Variants in MCU observed in about 807,000 individuals in gnomAD.
MCU encodes the protein mitochondrial calcium uniporter.
In MCU, 12 loss-of-function variants were observed where a neutral mutation model predicts 45.2. That is an observed-to-expected ratio of 0.27 (90% CI 0.17 to 0.43). The LOEUF (loss-of-function observed/expected upper bound fraction) is 0.43, where lower values mean the gene tolerates loss of function less well. Ranked by LOEUF, MCU falls within the 20% of genes least tolerant of loss-of-function variation. The probability of loss-of-function intolerance (pLI) is 1.00; values close to 1 mark genes in which losing one functional copy is unlikely to be tolerated. For synonymous variants in MCU, 160 were observed against 165.1 expected, an observed-to-expected ratio of 0.97 and a Z score of 0.24; for missense variants, 324 against 436.7, an observed-to-expected ratio of 0.74 and a Z score of 2.30.
chr10:72,791,624 C>G (rs964337773), intron 1 of MCU, among the ~76,000 whole-genome samples: 2 of 151,664 alleles, frequency 1.3e-5, no homozygotes, highest in Non-Finnish European at 2.9e-5. Context: ...ATTTTTATCC[C>G]CAGGAAGCCT....
At chr10:72,711,306 C>T (rs1214217841) in intron 1 of MCU, among the ~76,000 whole-genome samples, 2 of 150,938 alleles carry the variant, frequency 1.3e-5, no homozygotes, top group South Asian at 2.1e-4. Flanking sequence ...CTGCGATCTC[C>T]ACTTCCTGGG....
chr10:72,726,256 C>CGTGTGTGTGTGTGT (rs60826955), intron 1 of MCU, among the ~76,000 whole-genome samples: 31 of 145,586 alleles, frequency 2.1e-4, no homozygotes, highest in African/African-American at 7.1e-4. Flanking sequence ...CACACACACA[C>CGTGTGTGTGTGTGT]GTGTGTGTGT....
chr10:72,880,989 T>C (rs529379515), intron 6 of MCU, among the ~76,000 whole-genome samples: 1 of 152,062 alleles, frequency 6.6e-6, no homozygotes, highest in East Asian at 1.9e-4. Flanking sequence ...ATTAGTTGAG[T>C]GTGGTGTCGT....
intron 1 of MCU, among the ~76,000 whole-genome samples, chr10:72,739,317 T>A (rs1843293689): frequency 6.6e-6 from 1 of 152,222 alleles, no homozygotes; most frequent in Non-Finnish European, 1.5e-5. Context: ...AAAATAACAT[T>A]TGGAATTATT....
chr10:72,735,995 T>G (rs1293154644), intron 1 of MCU, among the ~76,000 whole-genome samples: 1 of 152,236 alleles, frequency 6.6e-6, no homozygotes, highest in African/African-American at 2.4e-5. Flanking sequence ...TATATATTGC[T>G]CTATTAAAAC....
chr10:72,776,754 A>G (rs1032988292), intron 1 of MCU, among the ~76,000 whole-genome samples: 2 of 151,782 alleles, frequency 1.3e-5, no homozygotes, highest in African/African-American at 2.4e-5. Flanking sequence ...AGGGCATCCA[A>G]ATTGGAAAGA....
At chr10:72,791,257 T>C (rs1254340343) in intron 1 of MCU, among the ~76,000 whole-genome samples, 14 of 152,204 alleles carry the variant, frequency 9.2e-5, no homozygotes, top group Admixed American at 7.9e-4. Context: ...TAAAATCACA[T>C]GTATGAAGCT....
chr10:72,831,935 A>G (rs944689342), intron 1 of MCU, among the ~76,000 whole-genome samples: 5 of 152,194 alleles, frequency 3.3e-5, no homozygotes, highest in Non-Finnish European at 7.3e-5. Context: ...ATCAGAGAAT[A>G]TTAGACTTTC....
chr10:72,707,649 T>G (rs1012350259), intron 1 of MCU, among the ~76,000 whole-genome samples: 1 of 98,742 alleles, frequency 1.0e-5, no homozygotes, highest in Admixed American at 9.2e-5. Flanking sequence ...GTGTGTGTGT[T>G]TCCCACCAAA....
chr10:72,854,468 G>A (rs1470715434), intron 2 of MCU, among the ~76,000 whole-genome samples: 2 of 152,104 alleles, frequency 1.3e-5, no homozygotes, highest in South Asian at 2.1e-4. Flanking sequence ...GTAGAAAAAC[G>A]TGTGAGAACA....
At chr10:72,829,193 C>G (rs946069089) in intron 1 of MCU, among the ~76,000 whole-genome samples, 1 of 151,872 alleles carries the variant, frequency 6.6e-6, no homozygotes, top group African/African-American at 2.4e-5. Flanking sequence ...ATGGTTGGTG[C>G]TCGCCTGTAG....
intron 1 of MCU, chr10:72,731,064 A>G (rs1843166642): frequency 6.6e-6 from 1 of 152,354 alleles, no homozygotes; most frequent in South Asian, 2.1e-4. Flanking sequence ...TTGGGATTAT[A>G]GGCGTGAGCC....
intron 6 of MCU, 80 bp downstream of exon 6, chr10:72,871,660 C>G: frequency 8.1e-7 from 1 of 1,235,836 alleles, no homozygotes; most frequent in Non-Finnish European, 1.2e-6. Flanking sequence ...TTCTCATCTT[C>G]TAAAGCCAGT....
intron 4 of MCU, among the ~76,000 whole-genome samples, chr10:72,865,764 T>TG (rs1845442884): frequency 2.2e-5 from 3 of 136,612 alleles, no homozygotes; most frequent in African/African-American, 5.7e-5. Flanking sequence ...TGTGGTTTTG[T>TG]TTTTTTTTTT....
chr10:72,860,448 A>C lies in MCU; in HGVS notation c.417A>C (p.Thr139=). Residue 139 remains threonine, a synonymous_variant, in exon 4 of 8, where the codon ACA becomes ACC. Coordinates refer to ENST00000373053, the MANE Select transcript of MCU (RefSeq NM_138357.3). ...SPDGVRVAAS[T]GIDLLLLDDF... is the part of the protein sequence containing the mutation. ...ATGGTGTTCGCGTTGCTGCTTCAACAGGAATAGACCTCCTCCTCCTTGATG... is the reference window on the plus strand; with the variant it reads ...ATGGTGTTCGCGTTGCTGCTTCAACCGGAATAGACCTCCTCCTCCTTGATG... 1 of 1,614,098 alleles carries C rather than the reference A, an allele frequency of 6.2e-7. No homozygotes were observed.
chr10:72,816,491 A>G (rs1844628762), intron 1 of MCU, among the ~76,000 whole-genome samples: 1 of 152,214 alleles, frequency 6.6e-6, no homozygotes, highest in Admixed American at 6.5e-5. Flanking sequence ...GATTAAGACT[A>G]AGACATCAGC....
At chr10:72,846,362 T>C (rs905970852) in intron 2 of MCU, among the ~76,000 whole-genome samples, 1 of 152,152 alleles carries the variant, frequency 6.6e-6, no homozygotes, top group African/African-American at 2.4e-5. Context: ...AGTTTTAAAT[T>C]GTATGCTATT....
At chr10:72,827,883 A>G (rs1374875906) in intron 1 of MCU, among the ~76,000 whole-genome samples, 1 of 152,168 alleles carries the variant, frequency 6.6e-6, no homozygotes, top group African/African-American at 2.4e-5. Context: ...GTTTTCCCCC[A>G]CTATCCAATG....
rs1169103014 is a variant in MCU, at chr10:72,887,428, C to T, written c.*1606C>T. 6.5e-6 allele frequency: 1 copy of T among 152,764 alleles called. No individual in the cohort carries two copies. Among genetic ancestry groups the T allele is most frequent in the African/African-American group, 2.4e-5 (1 of 41,448 alleles). The allele number at this position is 152,764 out of a possible 1,614,324, so 9.5% of individuals were successfully genotyped here. A position where few individuals can be genotyped will look rare whatever the true frequency, so the allele number is the denominator to read the frequency against. On this transcript the variant is annotated 3_prime_UTR_variant, in exon 8 of 8. Coordinates refer to ENST00000373053, the MANE Select transcript of MCU (RefSeq NM_138357.3). ...CCTCCACCACCCCCAGTCGTCAGCT[C>T]CTTCCCTCATTTATTTTTGTTAAGT...
Sources: allele counts gnomAD v4.1 joint callset (sites outside exome capture counted in the v4.1 genomes callset), GRCh38; gene constraint gnomAD v4.1.1; transcripts MANE v1.5; gene names NCBI Gene and HGNC (gene_info 2026-07-23, HGNC 2026-07-21).